The following CHST15 variants were observed in gnomAD, a reference collection of about 807,000 sequenced individuals.
CHST15 encodes the protein carbohydrate sulfotransferase 15, also known as B cell RAG associated protein (GALNAC4S-6ST).
A neutral mutation model predicts 53.6 loss-of-function variants in CHST15; 30 were observed. The ratio of observed to expected loss-of-function variants is 0.56; its 90% CI spans 0.42 to 0.76. The LOEUF (loss-of-function observed/expected upper bound fraction) is 0.76. Among genes scored for constraint, CHST15 ranks in the 30% least tolerant of loss-of-function variants. The probability of loss-of-function intolerance (pLI) is 0.00; values close to 1 mark genes in which losing one functional copy is unlikely to be tolerated. For missense variants in CHST15, 627 were observed against 740.5 expected (o/e 0.85, Z 1.78); for synonymous variants, 296 against 289.8 (o/e 1.02, Z -0.22).
At chr10:124,012,207 C>T (rs753826598) in intron 7 of CHST15, 126 bp downstream of exon 7, 2 of 1,076,466 alleles carry the variant, frequency 1.9e-6, no homozygotes, top group East Asian at 5.0e-5. Flanking sequence ...TGAAGGACAT[C>T]CCCAGGCCTC....
chr10:124,058,549 C>T (rs1003252336), intron 1 of CHST15, among the ~76,000 whole-genome samples: 7 of 152,176 alleles, frequency 4.6e-5, no homozygotes, highest in African/African-American at 1.7e-4. Flanking sequence ...AGCAGGCGAA[C>T]GAAGCTGTTA....
At chr10:124,035,339 C>CCCCTAACAGGGACCCTGGCTCCACT (rs1440528536) in intron 5 of CHST15, among the ~76,000 whole-genome samples, 15 of 143,228 alleles carry the variant, frequency 1.0e-4, no homozygotes, top group African/African-American at 3.7e-4. Flanking sequence ...CCTGGCTCCA[C>CCCCTAACAGGGACCCTGGCTCCACT]CCCTAACAGG....
At chr10:124,049,458 A>C (rs1465680745) in intron 1 of CHST15, among the ~76,000 whole-genome samples, 1 of 152,224 alleles carries the variant, frequency 6.6e-6, no homozygotes, top group Non-Finnish European at 1.5e-5. Flanking sequence ...GCAGCTTTCA[A>C]CAAACCCCCC....
At position 124,010,054 on chromosome 10, in the gene CHST15, A is replaced by G. The variant is rs1162624791; in HGVS notation, c.*95T>C. The G allele has an allele frequency of 6.3e-6, 10 of 1,597,772 alleles. No individual in the cohort carries two copies. The highest frequency in any genetic ancestry group is 8.5e-6 in the Non-Finnish European group (10 of 1,172,816). Reference sequence around the variant, plus strand: ...GAGTGGCAGAGTCCTGGGGTTTTCCATACCATGAGTGAAACAGTTCCCCGC... The same window carrying G: ...GAGTGGCAGAGTCCTGGGGTTTTCCGTACCATGAGTGAAACAGTTCCCCGC... On this transcript the variant is annotated 3_prime_UTR_variant, in exon 8 of 8. Transcript: ENST00000435907.
Position 124,074,973 on chromosome 10 carries a change from C to A in CHST15, c.-513+18496G>T, listed in dbSNP as rs1314445367. Among the ~76,000 whole-genome samples, 1 of 152,244 alleles carries A rather than the reference C, an allele frequency of 6.6e-6. No individual in the cohort carries two copies. Among genetic ancestry groups the A allele is most frequent in the Non-Finnish European group, 1.5e-5 (1 of 68,032 alleles). On this transcript the variant is annotated intron_variant, in intron 1 of 7. Coordinates refer to ENST00000435907, the MANE Select transcript of CHST15 (RefSeq NM_001270764.2). The surrounding 1 kb of genome is among the most constrained non-coding windows in gnomAD (Gnocchi z 4.4). ...GGGAGGACTGTTTCAGCACATTCCT[C>A]TTTTCATGTTTCTGTTTCTCTTTTG...
At chr10:124,044,225 T>G (rs761659973) in intron 3 of CHST15, among the ~76,000 whole-genome samples, 47 of 149,520 alleles carry the variant, frequency 3.1e-4, no homozygotes, top group Non-Finnish European at 5.8e-4. Flanking sequence ...GAGCAGGGAA[T>G]AGCACAGAGC....
At chr10:124,077,558 T>G (rs747292876) in intron 1 of CHST15, among the ~76,000 whole-genome samples, 17 of 152,220 alleles carry the variant, frequency 1.1e-4, no homozygotes, top group Non-Finnish European at 2.1e-4. Context: ...TGATGTGCTC[T>G]GTCCACCACC....
In CHST15 at chr10:124,008,788, C is replaced by T; in HGVS notation, c.*1361G>A. Reference sequence around the variant, plus strand: ...TCACAGGAAGCTTCCCTTGACAATACTTGAGTGCAAAGCTTCATCCAGGTC... The same window carrying T: ...TCACAGGAAGCTTCCCTTGACAATATTTGAGTGCAAAGCTTCATCCAGGTC... On this transcript the variant is annotated 3_prime_UTR_variant, in exon 8 of 8. Transcript: ENST00000435907. The T allele has an allele frequency of 8.5e-7, 1 of 1,180,000 alleles. No homozygotes were observed. The highest frequency in any genetic ancestry group is 1.6e-5 in the South Asian group (1 of 63,658). 73.1% of individuals were successfully genotyped at this position (1,180,000 alleles called of 1,614,324 possible). A position where few individuals can be genotyped will look rare whatever the true frequency, so the allele number is the denominator to read the frequency against.
chr10:124,031,418 CCCCTACACA>C lies in CHST15; in HGVS notation c.1190+7088_1190+7096del, dbSNP rs765852180. 2.6e-4 allele frequency among the ~76,000 whole-genome samples: 39 copies of C among 152,156 alleles called. 1 individual carries two copies. The highest frequency in any genetic ancestry group is 1.7e-3 in the Admixed American group (26 of 15,278). The stretch of plus-strand genomic sequence containing the variant: ...TTCACAGAAACCCAGATGGCACAGC[CCCCTACACA>C]CCTAGGTGGCGAGGTACAGCCTACT... On this transcript the variant is annotated intron_variant, in intron 5 of 7. Coordinates refer to ENST00000435907, the MANE Select transcript of CHST15 (RefSeq NM_001270764.2).
intron 5 of CHST15, among the ~76,000 whole-genome samples, chr10:124,025,678 T>C (rs565214516): frequency 1.2e-4 from 18 of 152,320 alleles, no homozygotes; most frequent in African/African-American, 2.6e-4. Flanking sequence ...AATAGGGTCT[T>C]TGCAGATGTC....
rs4295982 is a variant in CHST15 at position 124,048,428 on chromosome 10, G to A, written c.-512-1704C>T. On this transcript the variant is annotated intron_variant, in intron 1 of 7. Transcript: ENST00000435907. ...GAGGCGCTGGGGCGGGGATGCAGAAGGGGCCAGTTCTGGGAAGCCAGGCCA... is the reference window on the plus strand; with the variant it reads ...GAGGCGCTGGGGCGGGGATGCAGAAAGGGCCAGTTCTGGGAAGCCAGGCCA... Among the ~76,000 whole-genome samples, 1,231 of 152,312 alleles carry A rather than the reference G, an allele frequency of 8.1e-3. 35 individuals are homozygous for A. The East Asian group carries it at 0.095, about 12-fold the overall frequency.
chr10:124,062,480 C>T (rs1948612009), intron 1 of CHST15, among the ~76,000 whole-genome samples: 1 of 152,204 alleles, frequency 6.6e-6, no homozygotes, highest in Non-Finnish European at 1.5e-5. Context: ...CGGTGCCTCC[C>T]TTCGCTGATC....
chr10:124,017,361 T>C (rs964697540), intron 6 of CHST15, among the ~76,000 whole-genome samples: 39 of 152,196 alleles, frequency 2.6e-4, no homozygotes, highest in African/African-American at 8.9e-4. Flanking sequence ...TGGCACCTTC[T>C]ACGACCACAT....
chr10:124,038,209 C>T (rs1195579045), intron 5 of CHST15, among the ~76,000 whole-genome samples: 4 of 151,764 alleles, frequency 2.6e-5, no homozygotes, highest in East Asian at 1.9e-4. Flanking sequence ...TGGATTCAAG[C>T]GATTCTCCTG....
At chr10:124,052,063 T>G (rs1771473170) in intron 1 of CHST15, among the ~76,000 whole-genome samples, 1 of 152,218 alleles carries the variant, frequency 6.6e-6, no homozygotes, top group African/African-American at 2.4e-5. Flanking sequence ...ATTACATTAT[T>G]TTTCTTTTAT....
chr10:124,011,529 C>G, intron 7 of CHST15: 1 of 985,474 alleles, frequency 1.0e-6, no homozygotes, highest in Non-Finnish European at 1.2e-6. Context: ...GACCATTAGT[C>G]AGGGCTGCAG....
At chr10:124,051,235 C>T (rs749663634) in intron 1 of CHST15, among the ~76,000 whole-genome samples, 5 of 152,070 alleles carry the variant, frequency 3.3e-5, no homozygotes, top group Admixed American at 2.0e-4. Flanking sequence ...TGAGGCACCA[C>T]GCCTGGCCTC....
At chr10:124,065,212 C>T (rs1433855084) in intron 1 of CHST15, among the ~76,000 whole-genome samples, 8 of 152,010 alleles carry the variant, frequency 5.3e-5, no homozygotes, top group African/African-American at 1.9e-4. Context: ...GGCAAAACCC[C>T]ATCTCTACAA....
At chr10:124,093,158 G>C (rs560644520) in intron 1 of CHST15, among the ~76,000 whole-genome samples, 4 of 152,272 alleles carry the variant, frequency 2.6e-5, no homozygotes, top group African/African-American at 9.6e-5. Context: ...GCTGGGGATC[G>C]CTGAAGCCTC....
Sources: allele counts gnomAD v4.1 joint callset (sites outside exome capture counted in the v4.1 genomes callset), GRCh38; gene constraint gnomAD v4.1.1; non-coding constraint Gnocchi (gnomAD v3.1); transcripts MANE v1.5; gene names NCBI Gene and HGNC (gene_info 2026-07-23, HGNC 2026-07-21).